MAST2: variants seen among roughly 807,000 people sequenced by gnomAD.
MAST2 encodes the protein microtubule-associated serine/threonine-protein kinase 2.
Under a neutral mutation model 147.4 loss-of-function variants are expected in MAST2, and 70 were observed. That is an observed-to-expected ratio of 0.47 (90% CI 0.39 to 0.58). The LOEUF is 0.58. Ranked by LOEUF, MAST2 falls within the 20% of genes least tolerant of loss-of-function variation. The pLI is 0.00. For synonymous variants in MAST2, 869 were observed against 896.8 expected, an observed-to-expected ratio of 0.97 and a Z score of 0.55; for missense variants, 2,080 against 2,302.3, an observed-to-expected ratio of 0.90 and a Z score of 1.98.
At chr1:45,824,095 A>G (rs1291925730) in intron 1 of MAST2, among the ~76,000 whole-genome samples, 1 of 152,170 alleles carries the variant, frequency 6.6e-6, no homozygotes, top group Non-Finnish European at 1.5e-5. Flanking sequence ...GCTTTTCTTT[A>G]TTGGATATAG....
At chr1:45,929,288 C>T (rs1305140675) in intron 4 of MAST2, among the ~76,000 whole-genome samples, 1 of 152,136 alleles carries the variant, frequency 6.6e-6, no homozygotes, top group African/African-American at 2.4e-5. Flanking sequence ...TTTCCTGAGT[C>T]TTCAGCCTAA....
chr1:45,932,542 TCAC>T (rs1655476156), intron 4 of MAST2, among the ~76,000 whole-genome samples: 1 of 151,994 alleles, frequency 6.6e-6, no homozygotes, highest in Non-Finnish European at 1.5e-5. Flanking sequence ...GCGTGGTGGC[TCAC>T]GCCTGTAATC....
intron 4 of MAST2, chr1:45,917,518 G>T (rs767899227): frequency 7.3e-7 from 1 of 1,366,340 alleles, no homozygotes; most frequent in African/African-American, 1.5e-5. Context: ...TGTTCCAGCC[G>T]CCCACTGCCG....
At chr1:45,948,288 C>T (rs1658384991) in intron 4 of MAST2, among the ~76,000 whole-genome samples, 1 of 152,218 alleles carries the variant, frequency 6.6e-6, no homozygotes, top group Admixed American at 6.5e-5. Context: ...ATACCATGCT[C>T]ATGGATAGGA....
chr1:45,911,837 C>CATT (rs994344620), intron 4 of MAST2, among the ~76,000 whole-genome samples: 7 of 143,178 alleles, frequency 4.9e-5, no homozygotes, highest in Admixed American at 4.3e-4. Context: ...GCTGTTATGT[C>CATT]ATTATTATTA....
At chr1:45,888,756 A>C (rs769357061) in intron 4 of MAST2, among the ~76,000 whole-genome samples, 1 of 127,738 alleles carries the variant, frequency 7.8e-6, no homozygotes, top group African/African-American at 3.0e-5. Context: ...ATCTCGCCTC[A>C]CTGCAACCTC....
chr1:45,804,117 G>A, intron 1 of MAST2, 45 bp downstream of exon 1: 2 of 1,266,174 alleles, frequency 1.6e-6, no homozygotes, highest in Non-Finnish European at 2.0e-6. Context: ...AATGGAAGCC[G>A]TGGGGGAGGG....
Position 46,035,957 on chromosome 1 carries a change from C to G in MAST2, c.5288C>G (p.Pro1763Arg). The G allele has an allele frequency of 6.2e-7, 1 of 1,613,930 alleles. No homozygotes were observed. Among genetic ancestry groups the G allele is most frequent in the Non-Finnish European group, 8.5e-7 (1 of 1,180,014 alleles). Residue 1763 changes from proline (P) to arginine (R), a missense_variant, in exon 29 of 29, where the codon CCC (proline) becomes CGC (arginine). Around this residue, in one of 4 missense-constraint regions of MAST2, gnomAD observed 1,278 missense variants for 1,304.2 expected, o/e 0.98. Coordinates refer to ENST00000361297, the MANE Select transcript of MAST2 (RefSeq NM_015112.3). The surrounding 1 kb of genome is among the most constrained non-coding windows in gnomAD (Gnocchi z 5.5). ...RRQDVPCRGCPLTQKSEPSLR... is the reference protein window; with the variant it reads ...RRQDVPCRGCRLTQKSEPSLR... ...CAGGACGTTCCATGCCGAGGCTGCC[C>G]CCTCACCCAGAAGTCTGAGCCCAGC... is the stretch of plus-strand genomic sequence containing the variant.
At chr1:45,840,646 C>G (rs1249565238) in intron 3 of MAST2, among the ~76,000 whole-genome samples, 1 of 152,128 alleles carries the variant, frequency 6.6e-6, no homozygotes, top group Non-Finnish European at 1.5e-5. Context: ...TAGAGGCAGC[C>G]AAAAGCTACC....
chr1:46,017,379 G>T (rs907705949), intron 10 of MAST2, among the ~76,000 whole-genome samples: 3 of 152,046 alleles, frequency 2.0e-5, no homozygotes, highest in African/African-American at 7.2e-5. Context: ...ACCATCAGAG[G>T]GAACAGGCAA....
At chr1:45,805,092 C>T (rs543296249) in intron 1 of MAST2, among the ~76,000 whole-genome samples, 2 of 151,326 alleles carry the variant, frequency 1.3e-5, no homozygotes, top group East Asian at 3.9e-4. Context: ...CTCTGTCGCC[C>T]AGGGGAGAGT....
chr1:45,996,905 G>A (rs967949209), intron 5 of MAST2, among the ~76,000 whole-genome samples: 2 of 152,120 alleles, frequency 1.3e-5, no homozygotes, highest in African/African-American at 2.4e-5. Flanking sequence ...GTGAGGAGGT[G>A]GACAGGGGTT....
chr1:45,891,155 G>T (rs1032497007), intron 4 of MAST2, among the ~76,000 whole-genome samples: 1 of 152,110 alleles, frequency 6.6e-6, no homozygotes, highest in Non-Finnish European at 1.5e-5. Context: ...GAAGTCAGTT[G>T]CACCTTCACT....
intron 5 of MAST2, among the ~76,000 whole-genome samples, chr1:45,984,247 A>G (rs1034050581): frequency 6.6e-6 from 1 of 152,002 alleles, no homozygotes; most frequent in Non-Finnish European, 1.5e-5. Context: ...CCAACAATGC[A>G]CTTCTTCCAT....
intron 3 of MAST2, among the ~76,000 whole-genome samples, chr1:45,880,018 T>A (rs936028757): frequency 3.3e-5 from 5 of 152,210 alleles, no homozygotes; most frequent in African/African-American, 1.2e-4. Context: ...TTAATGGGAA[T>A]GTAGCATGGT....
chr1:45,849,910 A>G (rs532845251), intron 3 of MAST2, among the ~76,000 whole-genome samples: 25 of 152,312 alleles, frequency 1.6e-4, no homozygotes, highest in African/African-American at 5.8e-4. Flanking sequence ...TGTGATTAAC[A>G]TGTGAGTACA....
chr1:45,989,608 T>C (rs921856191), intron 5 of MAST2, among the ~76,000 whole-genome samples: 3 of 152,202 alleles, frequency 2.0e-5, no homozygotes, highest in Non-Finnish European at 4.4e-5. Context: ...AATTTTTTTT[T>C]CCCTTACATT....
intron 3 of MAST2, among the ~76,000 whole-genome samples, chr1:45,867,568 G>A (rs1646207532): frequency 6.6e-6 from 1 of 151,874 alleles, no homozygotes; most frequent in South Asian, 2.1e-4. Context: ...CTGGTATATT[G>A]AGAGTAGACA....
rs752470566 is a variant in MAST2, at chr1:46,035,074, G to T, written c.4405G>T (p.Val1469Leu). 1 of 1,613,792 alleles carries T rather than the reference G, an allele frequency of 6.2e-7. No homozygotes were observed. The highest frequency in any genetic ancestry group is 8.5e-7 in the Non-Finnish European group (1 of 1,179,962). ...SGKGALPGKG[V>L]LQPAPSRALG... ...CAAGGGGGCCCTGCCAGGGAAGGGGGTGCTGCAGCCTGCTCCCTCACGGGC... is the reference window on the plus strand; with the variant it reads ...CAAGGGGGCCCTGCCAGGGAAGGGGTTGCTGCAGCCTGCTCCCTCACGGGC... The change falls in exon 29 of 29, where the codon GTG becomes TTG. Residue 1469 changes from valine to leucine, a missense_variant. Physicochemically the swap from Val to Leu is conservative, Grantham distance 32. This residue lies in a region of MAST2 where 1,278 missense variants were observed against 1,304.2 expected (regional missense o/e 0.98). Transcript: ENST00000361297. This position sits in a 1 kb window ranked among gnomAD's most constrained non-coding sequence, Gnocchi z 5.5.
Sources: gnomAD v4.1 joint callset for allele counts (sites outside exome capture counted in the v4.1 genomes callset) on GRCh38, gnomAD v4.1.1 for gene constraint, gnomAD v4.1.1 regional missense constraint, Gnocchi (gnomAD v3.1) non-coding constraint, MANE v1.5 for transcripts, NCBI Gene and HGNC (gene_info 2026-07-23, HGNC 2026-07-21) for gene names.